ATOH8: variants seen among roughly 807,000 people sequenced by gnomAD.
ATOH8 encodes the protein atonal bHLH transcription factor 8, also known as transcription factor ATOH8.
In ATOH8, 9 loss-of-function variants were observed where a neutral mutation model predicts 21.2. The ratio of observed to expected loss-of-function variants is 0.42; its 90% CI spans 0.26 to 0.74. The LOEUF (loss-of-function observed/expected upper bound fraction) is 0.74, where lower values mean the gene tolerates loss of function less well. ATOH8 is among the 30% of genes least tolerant of loss of function. ATOH8 has a pLI of 0.24. For missense variants in ATOH8, 524 were observed against 470.9 expected (o/e 1.11, Z -1.04); for synonymous variants, 253 against 224.0 (o/e 1.13, Z -1.16).
chr2:85,778,278 C>T (rs1680385167), intron 2 of ATOH8, among the ~76,000 whole-genome samples: 1 of 151,802 alleles, frequency 6.6e-6, no homozygotes, highest in South Asian at 2.1e-4. Flanking sequence ...GATTGTTTGC[C>T]AGTGAGTGTG....
In ATOH8 at chr2:85,770,459, AACC is replaced by A. The variant is rs373748236; in HGVS notation, c.960+6282_960+6284del. On this transcript the variant is annotated intron_variant, in intron 2 of 2. Transcript: ENST00000306279. ...CTGGGGAAAAGGGGGGTGGGTGGGAAACCACCATCAAATTCCCAACTAGCCATA... is the reference window on the plus strand; with the variant it reads ...CTGGGGAAAAGGGGGGTGGGTGGGAAACCATCAAATTCCCAACTAGCCATA... Among the ~76,000 whole-genome samples the A allele has an allele frequency of 7.2e-5, 11 of 152,334 alleles. No individual in the cohort carries two copies. The East Asian group carries it at 2.1e-3, about 29-fold the overall frequency.
At chr2:85,761,723 C>T (rs574310500) in intron 1 of ATOH8, among the ~76,000 whole-genome samples, 1 of 152,342 alleles carries the variant, frequency 6.6e-6, no homozygotes, top group Non-Finnish European at 1.5e-5. Context: ...CCACACCCTC[C>T]CTGGGGTGAA....
Position 85,776,521 on chromosome 2 carries a change from C to T in ATOH8, c.961-10364C>T, listed in dbSNP as rs543191251. Among the ~76,000 whole-genome samples, 13 of 152,312 alleles carry T rather than the reference C, an allele frequency of 8.5e-5. No homozygotes were observed. In the South Asian group the frequency reaches 2.7e-3, roughly 32 times the overall value. On this transcript the variant is annotated intron_variant, in intron 2 of 2. Transcript: ENST00000306279. ...AAGGTGGGCAGAGGGACTTCAGTGT[C>T]CCCTCCTCACGCAGTGACTTAGAGA...
rs749533778 is a variant in ATOH8 at position 85,754,287 on chromosome 2, C to T, written c.98C>T (p.Pro33Leu). 1.7e-5 allele frequency: 27 copies of T among 1,609,948 alleles called. No individual in the cohort carries two copies. Among genetic ancestry groups the T allele is most frequent in the Middle Eastern group, 1.6e-4 (1 of 6,062 alleles). ...LKKLKRKGKEPARRANGYKTF... is the reference protein window; with the variant it reads ...LKKLKRKGKELARRANGYKTF... Reference sequence around the variant, plus strand: ...AAGCTCAAGCGGAAAGGCAAGGAGCCGGCGCGGCGCGCGAACGGCTATAAA... The same window carrying T: ...AAGCTCAAGCGGAAAGGCAAGGAGCTGGCGCGGCGCGCGAACGGCTATAAA... The change falls in exon 1 of 3, where the codon CCG (proline) becomes CTG (leucine). Residue 33 changes from proline (P) to leucine (L), a missense_variant. Transcript: ENST00000306279.
chr2:85,783,675 A>T (rs1470898123), intron 2 of ATOH8: 1 of 152,226 alleles, frequency 6.6e-6, no homozygotes, highest in East Asian at 1.9e-4. Flanking sequence ...CGGCAGCAGA[A>T]ACACAAAAAC....
chr2:85,774,351 G>A lies in ATOH8; in HGVS notation c.960+10169G>A, dbSNP rs182906504. Reference sequence around the variant, plus strand: ...TTGAGCCCTGCACCTGGCACAGTGCGAGGCCTCAGACAGGGTGTCAGCAGG... The same window carrying A: ...TTGAGCCCTGCACCTGGCACAGTGCAAGGCCTCAGACAGGGTGTCAGCAGG... On this transcript the variant is annotated intron_variant, in intron 2 of 2. Coordinates refer to ENST00000306279, the MANE Select transcript of ATOH8 (RefSeq NM_032827.7). 26 of 985,522 alleles carry A rather than the reference G, an allele frequency of 2.6e-5. No homozygotes were observed. The East Asian group carries it at 1.2e-3, about 47-fold the overall frequency. 61.0% of individuals were successfully genotyped at this position (985,522 alleles called of 1,614,324 possible).
At chr2:85,780,331 T>A (rs1346244543) in intron 2 of ATOH8, 1 of 152,294 alleles carries the variant, frequency 6.6e-6, no homozygotes, top group African/African-American at 2.4e-5. Flanking sequence ...CCTGCTCTCA[T>A]CCTCAACATT....
At chr2:85,755,984 C>T (rs1361318861) in intron 1 of ATOH8, among the ~76,000 whole-genome samples, 1 of 151,208 alleles carries the variant, frequency 6.6e-6, no homozygotes, top group Non-Finnish European at 1.5e-5. Context: ...GGGCTTTATC[C>T]AGCAACAAAA....
rs547391589 is a variant in ATOH8, at chr2:85,776,583, G to A, written c.961-10302G>A. ...TGCACACACGCAGGTGTGCTGGCGC[G>A]TCCGTAGGCACCGTCTGCTGGGGTC... On this transcript the variant is annotated intron_variant, in intron 2 of 2. Coordinates refer to ENST00000306279, the MANE Select transcript of ATOH8 (RefSeq NM_032827.7). Among the ~76,000 whole-genome samples the A allele has an allele frequency of 1.1e-3, 170 of 152,284 alleles. 1 individual carries two copies. Among genetic ancestry groups the A allele is most frequent in the African/African-American group, 3.9e-3 (161 of 41,572 alleles).
At position 85,790,340 on chromosome 2, in the gene ATOH8, C is replaced by T. The variant is rs1680737208; in HGVS notation, c.*3450C>T. On this transcript the variant is annotated 3_prime_UTR_variant, in exon 3 of 3. Coordinates refer to ENST00000306279, the MANE Select transcript of ATOH8 (RefSeq NM_032827.7). ...CATCTTCATGTGTGTGTGTGCCAGC[C>T]TCCTGCTCTCTGCAGAACAAAACCA... Among the ~76,000 whole-genome samples, 1 of 152,236 alleles carries T rather than the reference C, an allele frequency of 6.6e-6. No homozygotes were observed. Among genetic ancestry groups the T allele is most frequent in the Admixed American group, 6.5e-5 (1 of 15,282 alleles).
At chr2:85,781,237 C>G (rs986452192) in intron 2 of ATOH8, 2 of 255,752 alleles carry the variant, frequency 7.8e-6, no homozygotes, top group Non-Finnish European at 1.2e-5. Flanking sequence ...GGTTTGCTCT[C>G]CGTGGAGAGA....
chr2:85,786,018 C>G (rs986580312), intron 2 of ATOH8, among the ~76,000 whole-genome samples: 3 of 152,170 alleles, frequency 2.0e-5, no homozygotes, highest in African/African-American at 7.2e-5. Flanking sequence ...GACCTTGCCC[C>G]CTGTCCCATC....
intron 1 of ATOH8, among the ~76,000 whole-genome samples, chr2:85,760,589 C>G (rs955249575): frequency 6.6e-6 from 1 of 152,232 alleles, no homozygotes; most frequent in African/African-American, 2.4e-5. Flanking sequence ...CCAGGAAATT[C>G]CTACATGCCT....
intron 2 of ATOH8, among the ~76,000 whole-genome samples, chr2:85,772,338 C>T (rs1427890156): frequency 6.6e-6 from 1 of 152,244 alleles, no homozygotes; most frequent in African/African-American, 2.4e-5. Context: ...ATTAGCTGTT[C>T]TGCGAGGCGG....
intron 2 of ATOH8, chr2:85,780,341 T>C (rs1305017207): frequency 6.6e-6 from 1 of 152,274 alleles, no homozygotes; most frequent in Non-Finnish European, 1.5e-5. Context: ...TCCTCAACAT[T>C]GCCTGATGCA....
chr2:85,765,372 G>T (rs183084205), intron 2 of ATOH8, among the ~76,000 whole-genome samples: 4 of 152,234 alleles, frequency 2.6e-5, no homozygotes, highest in African/African-American at 9.6e-5. Context: ...CTCATGCCAG[G>T]GAGGGTCACG....
chr2:85,778,368 C>G (rs1431718267), intron 2 of ATOH8, among the ~76,000 whole-genome samples: 1 of 152,146 alleles, frequency 6.6e-6, no homozygotes, highest in Non-Finnish European at 1.5e-5. Context: ...ATGTCCCTAC[C>G]CCCACCTGGA....
At position 85,763,981 on chromosome 2, in the gene ATOH8, C is replaced by T. The variant is rs781223069; in HGVS notation, c.769-10C>T. ...CCCCTGCAGCCCCTCCTGACGCCTTCTCCCCTCAGGTGCCGTGCTACTCAT... is the reference window on the plus strand; with the variant it reads ...CCCCTGCAGCCCCTCCTGACGCCTTTTCCCCTCAGGTGCCGTGCTACTCAT... On this transcript the variant is annotated splice_polypyrimidine_tract_variant and intron_variant, in intron 1 of 2. Coordinates refer to ENST00000306279, the MANE Select transcript of ATOH8 (RefSeq NM_032827.7). 1 of 1,611,996 alleles carries T rather than the reference C, an allele frequency of 6.2e-7. No homozygotes were observed. The highest frequency in any genetic ancestry group is 8.5e-7 in the Non-Finnish European group (1 of 1,178,702).
intron 1 of ATOH8, 151 bp from the exon 2 acceptor site, chr2:85,763,840 G>GTGTA (rs1466909033): frequency 1.6e-6 from 1 of 644,718 alleles, no homozygotes; most frequent in Non-Finnish European, 2.7e-6. Context: ...GTGTGTGTGT[G>GTGTA]TGTGTGTGTG....
Sources: allele counts gnomAD v4.1 joint callset (sites outside exome capture counted in the v4.1 genomes callset), GRCh38; gene constraint gnomAD v4.1.1; transcripts MANE v1.5; gene names NCBI Gene and HGNC (gene_info 2026-07-23, HGNC 2026-07-21).